The following ARMH4 variants were observed in gnomAD, a reference collection of about 807,000 sequenced individuals.
ARMH4 encodes the protein armadillo like helical domain containing 4, also known as armadillo-like helical domain-containing protein 4.
A neutral mutation model predicts 61.9 loss-of-function variants in ARMH4; 49 were observed. The ratio of observed to expected loss-of-function variants is 0.79; its 90% CI spans 0.63 to 1.00. The LOEUF is 1.00. ARMH4 is among the 50% of genes least tolerant of loss of function. The pLI is 0.00. For synonymous variants in ARMH4, 368 were observed against 341.5 expected (o/e 1.08, Z -0.85); for missense variants, 934 against 930.0 (o/e 1.00, Z -0.06).
intron 5 of ARMH4, among the ~76,000 whole-genome samples, chr14:58,082,141 G>C (rs931390732): frequency 1.3e-5 from 2 of 152,128 alleles, no homozygotes; most frequent in Non-Finnish European, 2.9e-5. Flanking sequence ...GACAACCACT[G>C]GGTCATGTTG....
chr14:58,010,052 C>A lies in ARMH4; in HGVS notation c.2121+2067G>T, dbSNP rs112625169. Reference sequence around the variant, plus strand: ...GAACAATTAAATGAAGCTAACCTGACAGAGTGTCCTGGCTTGCCTGAAGAG... The same window carrying A: ...GAACAATTAAATGAAGCTAACCTGAAAGAGTGTCCTGGCTTGCCTGAAGAG... On this transcript the variant is annotated intron_variant, in intron 6 of 7. Transcript: ENST00000267485. Among the ~76,000 whole-genome samples, 23 of 152,242 alleles carry A rather than the reference C, an allele frequency of 1.5e-4. 1 individual carries two copies. The highest frequency in any genetic ancestry group is 5.5e-4 in the African/African-American group (23 of 41,562).
intron 5 of ARMH4, among the ~76,000 whole-genome samples, chr14:58,056,431 G>T (rs923433500): frequency 1.3e-5 from 2 of 152,184 alleles, no homozygotes; most frequent in African/African-American, 4.8e-5. Context: ...ATAGTTTAAT[G>T]AAAGGAAATA....
chr14:58,073,200 GA>G (rs1318240067), intron 5 of ARMH4, among the ~76,000 whole-genome samples: 1 of 152,090 alleles, frequency 6.6e-6, no homozygotes, highest in African/African-American at 2.4e-5. Context: ...TAAATGATGA[GA>G]AGAAGAAAAG....
chr14:58,020,639 C>T (rs1882790660), intron 5 of ARMH4, among the ~76,000 whole-genome samples: 1 of 152,104 alleles, frequency 6.6e-6, no homozygotes, highest in South Asian at 2.1e-4. Flanking sequence ...CTTTCTCATT[C>T]AGAGAAAATA....
intron 4 of ARMH4, among the ~76,000 whole-genome samples, chr14:58,098,153 T>C (rs10134917): frequency 0.4 from 60,118 of 151,954 alleles, 12,482 homozygotes; most frequent in Non-Finnish European, 0.47. Context: ...CACCCAAGAA[T>C]TGTGAGACTC....
intron 5 of ARMH4, among the ~76,000 whole-genome samples, chr14:58,014,074 A>C (rs1882512754): frequency 6.6e-6 from 1 of 152,026 alleles, no homozygotes; most frequent in Non-Finnish European, 1.5e-5. Context: ...CCTGATTTTA[A>C]AACCCAGGAG....
chr14:58,009,983 C>A (rs747964864), intron 6 of ARMH4, among the ~76,000 whole-genome samples: 1 of 152,068 alleles, frequency 6.6e-6, no homozygotes, highest in South Asian at 2.1e-4. Flanking sequence ...TTTGAAAACA[C>A]CACCCTTTCT....
At chr14:58,019,912 A>T (rs1882755831) in intron 5 of ARMH4, among the ~76,000 whole-genome samples, 1 of 152,178 alleles carries the variant, frequency 6.6e-6, no homozygotes, top group Non-Finnish European at 1.5e-5. Context: ...TTAGAGGAGT[A>T]TGTTTAATTT....
chr14:58,030,472 C>A (rs769133028), intron 5 of ARMH4, among the ~76,000 whole-genome samples: 1 of 152,192 alleles, frequency 6.6e-6, no homozygotes, highest in Non-Finnish European at 1.5e-5. Context: ...GTAATATACA[C>A]GTGACATAGA....
intron 5 of ARMH4, among the ~76,000 whole-genome samples, chr14:58,017,254 C>T (rs1031042083): frequency 2.6e-5 from 4 of 152,132 alleles, no homozygotes; most frequent in African/African-American, 7.2e-5. Flanking sequence ...GTTGAGGCTG[C>T]GGTGAGCTGT....
chr14:58,099,857 C>T (rs551586710), intron 4 of ARMH4, among the ~76,000 whole-genome samples: 1 of 152,292 alleles, frequency 6.6e-6, no homozygotes, highest in East Asian at 1.9e-4. Context: ...TTTATTACGG[C>T]TGTGTGATTT....
At position 58,004,361 on chromosome 14, in the gene ARMH4, T is replaced by C. The variant is rs1882081243; in HGVS notation, c.*375A>G. 1 of 163,304 alleles carries C rather than the reference T, an allele frequency of 6.1e-6. No individual in the cohort carries two copies. The allele number at this position is 163,304 out of a possible 1,614,324, so 10.1% of individuals were successfully genotyped here. On this transcript the variant is annotated 3_prime_UTR_variant, in exon 8 of 8. Transcript: ENST00000267485. ...TTATATCTCAGAGTCAAGCATGCCT[T>C]GGTGGCAACAATCATTATTCTCAAT... is the stretch of plus-strand genomic sequence containing the variant.
intron 5 of ARMH4, among the ~76,000 whole-genome samples, chr14:58,076,090 A>AGGGGAGGGGAAGGGGGAGGGGGAAGGG (rs1885037560): frequency 9.3e-6 from 1 of 107,062 alleles, no homozygotes; most frequent in Admixed American, 1.1e-4. Flanking sequence ...AAGAGGAGGA[A>AGGGGAGGGGAAGGGGGAGGGGGAAGGG]GGGGAGGGGA....
chr14:58,117,511 A>G (rs1300666664), intron 4 of ARMH4, among the ~76,000 whole-genome samples: 1 of 152,186 alleles, frequency 6.6e-6, no homozygotes, highest in Non-Finnish European at 1.5e-5. Flanking sequence ...GGAAATATGC[A>G]TTTGTTTTAT....
intron 6 of ARMH4, among the ~76,000 whole-genome samples, chr14:58,006,745 C>A (rs1264104851): frequency 6.8e-6 from 1 of 147,106 alleles, no homozygotes. Flanking sequence ...GAACATCACA[C>A]ACCGGGCCCT....
At chr14:58,044,665 AGAGT>A in intron 5 of ARMH4, among the ~76,000 whole-genome samples, 1 of 152,340 alleles carries the variant, frequency 6.6e-6, no homozygotes, top group Non-Finnish European at 1.5e-5. Context: ...AACTACCATC[AGAGT>A]GAACAGGCAA....
intron 5 of ARMH4, among the ~76,000 whole-genome samples, chr14:58,079,436 A>G (rs530302145): frequency 5.3e-4 from 81 of 151,848 alleles, no homozygotes; most frequent in Non-Finnish European, 9.3e-4. Context: ...TAACTAACCC[A>G]CTCCTATGAT....
chr14:58,118,636 T>C (rs11158199), intron 4 of ARMH4, among the ~76,000 whole-genome samples: 64,156 of 151,826 alleles, frequency 0.42, 15,021 homozygotes, highest in Non-Finnish European at 0.54. Flanking sequence ...GAACAGAATA[T>C]AAAACACTCA....
intron 5 of ARMH4, among the ~76,000 whole-genome samples, chr14:58,048,975 T>C (rs565703686): frequency 1.2e-3 from 177 of 152,232 alleles, no homozygotes; most frequent in East Asian, 3.5e-3. Context: ...CCGTGGCTCA[T>C]GCCTGTAATC....
Sources: gnomAD v4.1 joint callset for allele counts (sites outside exome capture counted in the v4.1 genomes callset) on GRCh38, gnomAD v4.1.1 for gene constraint, MANE v1.5 for transcripts, NCBI Gene and HGNC (gene_info 2026-07-23, HGNC 2026-07-21) for gene names.